The following KIF21B variants were observed in gnomAD, a reference collection of about 807,000 sequenced individuals.
KIF21B encodes kinesin family member 21B, also known as kinesin-like protein KIF21B.
KIF21B carries 85 observed loss-of-function variants against 192.9 expected under a neutral mutation model. The observed-to-expected ratio is 0.44, with a 90% CI of 0.37 to 0.53. KIF21B has a LOEUF of 0.53. Ranked by LOEUF, KIF21B falls within the 20% of genes least tolerant of loss-of-function variation. The pLI is 0.00. For missense variants in KIF21B, 1,716 were observed against 2,194.8 expected, an observed-to-expected ratio of 0.78 and a Z score of 4.36; for synonymous variants, 832 against 884.6, an observed-to-expected ratio of 0.94 and a Z score of 1.05.
Position 201,023,298 on chromosome 1 carries a change from C to T in KIF21B, c.41+45G>A, listed in dbSNP as rs773592796. 2.0e-6 allele frequency: 3 copies of T among 1,502,088 alleles called. No individual in the cohort carries two copies. The highest frequency in any genetic ancestry group is 4.2e-5 in the Admixed American group (2 of 47,618). The allele number at this position is 1,502,088 out of a possible 1,614,324, so 93.0% of individuals were successfully genotyped here. A position where few individuals can be genotyped will look rare whatever the true frequency, so the allele number is the denominator to read the frequency against. ...CGCCCAAAGCCCACGCGAGACAAAGCCCGAGGCTTCTCCGCGCGCCCCCTT... is the reference window on the plus strand; with the variant it reads ...CGCCCAAAGCCCACGCGAGACAAAGTCCGAGGCTTCTCCGCGCGCCCCCTT... On this transcript the variant is annotated intron_variant, in intron 1 of 34. Transcript: ENST00000461742. This position sits in a 1 kb window ranked among gnomAD's most constrained non-coding sequence, Gnocchi z 5.9.
chr1:201,000,026 A>T lies in KIF21B; in HGVS notation c.1686-62T>A. The T allele has an allele frequency of 6.8e-7, 1 of 1,462,642 alleles. No individual in the cohort carries two copies. The highest frequency in any genetic ancestry group is 9.6e-7 in the Non-Finnish European group (1 of 1,046,366). The allele number at this position is 1,462,642 out of a possible 1,614,324, so 90.6% of individuals were successfully genotyped here. ...CTGCCCCTGCCCTGAGCACATGGGC[A>T]GGACGGCGGCAGCGGCAGAAAAGGA... On this transcript the variant is annotated intron_variant, in intron 11 of 34. Coordinates refer to ENST00000461742, the MANE Select transcript of KIF21B (RefSeq NM_001252102.2). This position sits in a 1 kb window ranked among gnomAD's most constrained non-coding sequence, Gnocchi z 6.0.
intron 1 of KIF21B, among the ~76,000 whole-genome samples, chr1:201,016,227 T>C (rs1658493704): frequency 6.6e-6 from 1 of 152,238 alleles, no homozygotes; most frequent in African/African-American, 2.4e-5. Flanking sequence ...GGGAAATAGC[T>C]TGGCTTGGAG....
chr1:201,011,010 G>A (rs1658203006), intron 1 of KIF21B, among the ~76,000 whole-genome samples: 1 of 152,220 alleles, frequency 6.6e-6, no homozygotes. Context: ...GTGTGAACAG[G>A]TTCTTATAGG....
intron 30 of KIF21B, among the ~76,000 whole-genome samples, chr1:200,978,340 C>A (rs565941329): frequency 1.6e-4 from 25 of 152,122 alleles, no homozygotes; most frequent in Admixed American, 7.9e-4. Context: ...TGAGCCACTG[C>A]GCCCAGCCTT....
chr1:201,007,987 T>A (rs1303837545), intron 3 of KIF21B, among the ~76,000 whole-genome samples: 3 of 152,182 alleles, frequency 2.0e-5, no homozygotes, highest in African/African-American at 7.2e-5. Context: ...AGCCACCACC[T>A]GTGTGCCCAG....
rs770240852 is a variant in KIF21B, at chr1:200,974,741, T to C, written c.4787A>G (p.Asn1596Ser). 2.5e-6 allele frequency: 4 copies of C among 1,614,084 alleles called. No individual in the cohort carries two copies. The African/African-American group carries it at 5.3e-5, about 22-fold the overall frequency. Residue 1596 changes from asparagine (N) to serine (S), a missense_variant, in exon 34 of 35, where the codon AAT (asparagine) becomes AGT (serine). By Grantham distance (46) the Asn-to-Ser change is conservative (BLOSUM62 1). Around this residue, in one of 3 missense-constraint regions of KIF21B, gnomAD observed 580 missense variants for 775.5 expected, o/e 0.75. Coordinates refer to ENST00000461742, the MANE Select transcript of KIF21B (RefSeq NM_001252102.2). ...GGAGGCTGTGAAGATATGCTTGGCA[T>C]TGGTGCAGATGGCATTGATGGGACT... is the stretch of plus-strand genomic sequence containing the variant. Reference protein sequence around the residue: ...HDSPINAICTNAKHIFTASSD... With the variant: ...HDSPINAICTSAKHIFTASSD...
intron 22 of KIF21B, 51 bp from the exon 23 acceptor site, chr1:200,988,595 G>T (rs376357755): frequency 4.8e-4 from 727 of 1,502,008 alleles, no homozygotes; most frequent in Non-Finnish European, 6.3e-4. Context: ...CTGTCCAAGT[G>T]TCGGGGGAGG....
Position 200,981,012 on chromosome 1 carries a change from C to T in KIF21B, c.3927G>A (p.Lys1309=). ...QCVSMAEGHT[K]PILCLDATDE... ...CTGTGGCATCCAGGCAGAGGATGGG[C>T]TTGGTGTGGCCTTCGGCCATGGAGA... The change falls in exon 29 of 35, where the codon AAG becomes AAA. Residue 1309 remains lysine, a synonymous_variant. Transcript: ENST00000461742. 6.2e-7 allele frequency: 1 copy of T among 1,611,172 alleles called. No individual in the cohort carries two copies. Among genetic ancestry groups the T allele is most frequent in the South Asian group, 1.1e-5 (1 of 90,418 alleles).
intron 32 of KIF21B, among the ~76,000 whole-genome samples, chr1:200,976,465 T>G (rs1655555036): frequency 6.6e-6 from 1 of 152,232 alleles, no homozygotes; most frequent in African/African-American, 2.4e-5. Flanking sequence ...AATTAGTGTT[T>G]GTATACTTCA....
intron 28 of KIF21B, 94 bp from the exon 29 acceptor site, chr1:200,981,190 G>A: frequency 7.4e-7 from 1 of 1,359,384 alleles, no homozygotes; most frequent in South Asian, 1.5e-5. Context: ...GGACAGGGCA[G>A]GGAGGGGATG....
Position 200,996,284 on chromosome 1 carries a change from T to C in KIF21B, c.2189A>G (p.Glu730Gly). Residue 730 changes from glutamate (E) to glycine (G), a missense_variant, in exon 15 of 35, where the codon GAG (glutamate) becomes GGG (glycine). Transcript: ENST00000461742. ...CTGGTTCTTAAGCAGCCGGGCGTGC[T>C]CTTTCTGGGCGGCCTGCAGCTTCTG... is the stretch of plus-strand genomic sequence containing the variant. ...DLQKLQAAQK[E>G]HARLLKNQSR... is the part of the protein sequence containing the mutation. The C allele has an allele frequency of 6.2e-7, 1 of 1,614,138 alleles. No individual in the cohort carries two copies. The highest frequency in any genetic ancestry group is 8.5e-7 in the Non-Finnish European group (1 of 1,180,026).
chr1:201,000,643 A>G lies in KIF21B; in HGVS notation c.1467-35T>C. ...AAGAACGAGTGGACGGGGCCGAGTGAGCTGCCACAGCCCTTGGCGTCACCT... is the reference window on the plus strand; with the variant it reads ...AAGAACGAGTGGACGGGGCCGAGTGGGCTGCCACAGCCCTTGGCGTCACCT... On this transcript the variant is annotated intron_variant, in intron 10 of 34. Transcript: ENST00000461742. The surrounding 1 kb of genome is among the most constrained non-coding windows in gnomAD (Gnocchi z 6.0). The G allele has an allele frequency of 6.2e-7, 1 of 1,613,150 alleles. No homozygotes were observed. Among genetic ancestry groups the G allele is most frequent in the Non-Finnish European group, 8.5e-7 (1 of 1,179,512 alleles).
chr1:200,987,115 G>A lies in KIF21B; in HGVS notation c.3495C>T (p.Thr1165=). Residue 1165 remains threonine, a synonymous_variant, in exon 25 of 35, where the codon ACC becomes ACT. Coordinates refer to ENST00000461742, the MANE Select transcript of KIF21B (RefSeq NM_001252102.2). Reference sequence around the variant, plus strand: ...TCTCAACGAGGGAGGCCAGGGACTTGGTGATGTTCTTGGTGGAGATATCCA... The same window carrying A: ...TCTCAACGAGGGAGGCCAGGGACTTAGTGATGTTCTTGGTGGAGATATCCA... ...PPLDISTKNI[T]KSLASLVEIK... is the part of the protein sequence containing the mutation. 1 of 1,614,058 alleles carries A rather than the reference G, an allele frequency of 6.2e-7. No individual in the cohort carries two copies. The highest frequency in any genetic ancestry group is 8.5e-7 in the Non-Finnish European group (1 of 1,180,014).
In KIF21B at chr1:200,999,781, C is replaced by G; in HGVS notation, c.1767+102G>C. 2 of 1,173,872 alleles carry G rather than the reference C, an allele frequency of 1.7e-6. No individual in the cohort carries two copies. The highest frequency in any genetic ancestry group is 2.3e-5 in the East Asian group (1 of 42,784). The allele number at this position is 1,173,872 out of a possible 1,614,324, so 72.7% of individuals were successfully genotyped here. A position where few individuals can be genotyped will look rare whatever the true frequency, so the allele number is the denominator to read the frequency against. Reference sequence around the variant, plus strand: ...AGGATCAACTGGATGCAGACCCAACCGCCTCCTTCACTCCATACAAGGATG... The same window carrying G: ...AGGATCAACTGGATGCAGACCCAACGGCCTCCTTCACTCCATACAAGGATG... On this transcript the variant is annotated intron_variant, in intron 12 of 34. Coordinates refer to ENST00000461742, the MANE Select transcript of KIF21B (RefSeq NM_001252102.2). This position sits in a 1 kb window ranked among gnomAD's most constrained non-coding sequence, Gnocchi z 4.7.
At chr1:200,993,142 G>A (rs1656812749) in intron 15 of KIF21B, among the ~76,000 whole-genome samples, 1 of 152,226 alleles carries the variant, frequency 6.6e-6, no homozygotes, top group Non-Finnish European at 1.5e-5. Flanking sequence ...GGCACAGAAA[G>A]CACCATTAGT....
intron 1 of KIF21B, among the ~76,000 whole-genome samples, chr1:201,016,786 C>A (rs1658532359): frequency 6.6e-6 from 1 of 152,162 alleles, no homozygotes; most frequent in African/African-American, 2.4e-5. Context: ...CAGACCCTTC[C>A]CCAGGCCAGC....
Position 200,973,208 on chromosome 1 carries a change from G to A in KIF21B, c.*313C>T. On this transcript the variant is annotated 3_prime_UTR_variant, in exon 35 of 35. Coordinates refer to ENST00000461742, the MANE Select transcript of KIF21B (RefSeq NM_001252102.2). The stretch of plus-strand genomic sequence containing the variant: ...CCACTGGGCCAAAGGCCTGAGAAAG[G>A]GGCAGAGCCGGTTCAGCAGGAGACA... 3.2e-6 allele frequency: 1 copy of A among 313,330 alleles called. No homozygotes were observed. The highest frequency in any genetic ancestry group is 5.8e-6 in the Non-Finnish European group (1 of 173,324). The allele number at this position is 313,330 out of a possible 1,614,324, so 19.4% of individuals were successfully genotyped here. A position where few individuals can be genotyped will look rare whatever the true frequency, so the allele number is the denominator to read the frequency against.
Position 200,973,583 on chromosome 1 carries a change from G to T in KIF21B, c.4815-5C>A. The T allele has an allele frequency of 6.6e-7, 1 of 1,521,872 alleles. No individual in the cohort carries two copies. The highest frequency in any genetic ancestry group is 8.8e-7 in the Non-Finnish European group (1 of 1,142,626). The allele number at this position is 1,521,872 out of a possible 1,614,324, so 94.3% of individuals were successfully genotyped here. A position where few individuals can be genotyped will look rare whatever the true frequency, so the allele number is the denominator to read the frequency against. ...CAGAACTTCACCGTCAGGTCACTGG[G>T]GTGGAGGACAAAGTGGAGGGGTGCC... On this transcript the variant is annotated splice_polypyrimidine_tract_variant and splice_region_variant and intron_variant, in intron 34 of 34. Coordinates refer to ENST00000461742, the MANE Select transcript of KIF21B (RefSeq NM_001252102.2).
At chr1:200,977,941 T>C (rs577023106) in intron 30 of KIF21B, among the ~76,000 whole-genome samples, 1 of 151,716 alleles carries the variant, frequency 6.6e-6, no homozygotes, top group African/African-American at 2.4e-5. Context: ...TTCATATTGG[T>C]CGGGCTGGTC....
Sources: allele counts gnomAD v4.1 joint callset (sites outside exome capture counted in the v4.1 genomes callset), GRCh38; gene constraint gnomAD v4.1.1; regional missense constraint gnomAD v4.1.1; non-coding constraint Gnocchi (gnomAD v3.1); transcripts MANE v1.5; gene names NCBI Gene and HGNC (gene_info 2026-07-23, HGNC 2026-07-21).